The following ALG12 variants were observed in gnomAD, a reference collection of about 807,000 sequenced individuals.
ALG12 encodes the protein ALG12 alpha-1,6-mannosyltransferase.
A neutral mutation model predicts 46.0 loss-of-function variants in ALG12; 36 were observed. The ratio of observed to expected loss-of-function variants is 0.78; its 90% CI spans 0.60 to 1.03. The LOEUF (loss-of-function observed/expected upper bound fraction) is 1.03, where lower values mean the gene tolerates loss of function less well. Among genes scored for constraint, ALG12 ranks in the 50% least tolerant of loss-of-function variants. ALG12 has a pLI of 0.00. For synonymous variants in ALG12, 326 were observed against 291.6 expected (o/e 1.12, Z -1.20); for missense variants, 599 against 633.5 (o/e 0.95, Z 0.58).
At chr22:49,885,404 A>G in the ALG12 span, 11 of 1,605,582 alleles carry the variant, frequency 6.9e-6, no homozygotes, top group Non-Finnish European at 9.4e-6. Flanking sequence ...GTGTGCTTGC[A>G]CTGTGGCCGG....
chr22:49,868,268 G>A, the ALG12 span, among the ~76,000 whole-genome samples: 1 of 152,154 alleles, frequency 6.6e-6, no homozygotes, highest in Non-Finnish European at 1.5e-5. Context: ...TAAAATATAG[G>A]CAGTGTTACA....
chr22:49,875,434 T>C, the ALG12 span, among the ~76,000 whole-genome samples: 1 of 151,990 alleles, frequency 6.6e-6, no homozygotes, highest in South Asian at 2.1e-4. Flanking sequence ...TTTTTTCTTT[T>C]TTTTGAGACG....
At chr22:49,896,388 TTGAGGTGGG>T (rs771988423), downstream of ALG12, among the ~76,000 whole-genome samples, 3 of 152,214 alleles carry the variant, frequency 2.0e-5, no homozygotes, top group Non-Finnish European at 4.4e-5. Context: ...TATCCTCCTA[TTGAGGTGGG>T]TGAGGGAGGA....
the ALG12 span, chr22:49,890,058 A>C: frequency 1.2e-5 from 2 of 165,992 alleles, no homozygotes; most frequent in African/African-American, 4.8e-5. Context: ...AAAAAAATAA[A>C]AACTTTATTT....
chr22:49,876,333 T>C, the ALG12 span, among the ~76,000 whole-genome samples: 1 of 152,190 alleles, frequency 6.6e-6, no homozygotes, highest in Non-Finnish European at 1.5e-5. Context: ...TCTTTACTGA[T>C]TTTTATGTAC....
At chr22:49,904,612 T>A in intron 7 of ALG12, 106 bp from the exon 8 acceptor site, 1 of 1,319,634 alleles carries the variant, frequency 7.6e-7, no homozygotes, top group South Asian at 1.3e-5. Context: ...CTTCACCAAG[T>A]CATAACAAAG....
the ALG12 span, among the ~76,000 whole-genome samples, chr22:49,866,677 A>G: frequency 1.3e-5 from 2 of 152,152 alleles, no homozygotes; most frequent in Non-Finnish European, 2.9e-5. Flanking sequence ...CGTTATCTGC[A>G]GTGATGTTTT....
intron 3 of ALG12, among the ~76,000 whole-genome samples, chr22:49,912,491 T>C (rs1023218003): frequency 6.6e-6 from 1 of 152,204 alleles, no homozygotes; most frequent in Admixed American, 6.5e-5. Context: ...CTGATGCCTC[T>C]ACAGGACATG....
At position 49,903,235 on chromosome 22, in the gene ALG12, A is replaced by G. The variant is rs906474841; in HGVS notation, c.*603T>C. On this transcript the variant is annotated 3_prime_UTR_variant, in exon 10 of 10. Coordinates refer to ENST00000330817, the MANE Select transcript of ALG12 (RefSeq NM_024105.4). ...GTAATCTTGAGAGGTTCCAATCAAC[A>G]TTTATTGCCTTATTCTTTTTATCTC... 4.7e-6 allele frequency: 2 copies of G among 421,432 alleles called. No homozygotes were observed. Among genetic ancestry groups the G allele is most frequent in the Non-Finnish European group, 4.7e-6 (1 of 213,388 alleles). 26.1% of individuals were successfully genotyped at this position (421,432 alleles called of 1,614,324 possible).
chr22:49,880,799 T>G, the ALG12 span, among the ~76,000 whole-genome samples: 7 of 152,240 alleles, frequency 4.6e-5, no homozygotes, highest in African/African-American at 1.7e-4. Flanking sequence ...TGGGATCATA[T>G]TGAATTTATA....
the ALG12 span, chr22:49,885,172 C>G: frequency 6.2e-7 from 1 of 1,614,078 alleles, no homozygotes; most frequent in East Asian, 2.2e-5. Context: ...TCTCTACCGG[C>G]GCCATCCAGA....
At chr22:49,909,184 C>A (rs2060561004) in intron 6 of ALG12, 60 bp downstream of exon 6, 2 of 1,534,934 alleles carry the variant, frequency 1.3e-6, no homozygotes, top group Admixed American at 3.3e-5. Context: ...CCCATGGAGG[C>A]CCAGGAGATG....
At chr22:49,890,929 C>G in the ALG12 span, among the ~76,000 whole-genome samples, 1 of 151,912 alleles carries the variant, frequency 6.6e-6, no homozygotes, top group Non-Finnish European at 1.5e-5. Flanking sequence ...ACTCGGAAGG[C>G]TGAGGCAGGA....
At chr22:49,893,053 A>G in the ALG12 span, among the ~76,000 whole-genome samples, 1 of 152,230 alleles carries the variant, frequency 6.6e-6, no homozygotes, top group Non-Finnish European at 1.5e-5. Flanking sequence ...TGAATGAAGA[A>G]TTCCCTAGAT....
At chr22:49,888,639 C>G in the ALG12 span, 1 of 167,252 alleles carries the variant, frequency 6.0e-6, no homozygotes, top group South Asian at 2.1e-4. Context: ...TTCCAGGTCT[C>G]GTGTTCAAGT....
chr22:49,884,326 A>G, the ALG12 span: 4 of 1,613,786 alleles, frequency 2.5e-6, no homozygotes, highest in East Asian at 2.2e-5. Flanking sequence ...CCCCGATCGA[A>G]TAACAGAGGA....
In ALG12 at chr22:49,904,048, A is replaced by T. The variant is rs139716648; in HGVS notation, c.1257T>A (p.Asp419Glu). 2 of 1,614,010 alleles carry T rather than the reference A, an allele frequency of 1.2e-6. No individual in the cohort carries two copies. Among genetic ancestry groups the T allele is most frequent in the Non-Finnish European group, 1.7e-6 (2 of 1,179,990 alleles). The change falls in exon 10 of 10, where the codon GAT becomes GAA. Residue 419 changes from aspartate (D) to glutamate (E), a missense_variant. Physicochemically the swap from Asp to Glu is conservative, Grantham distance 45. Transcript: ENST00000330817. ...NSAWRYDKRE[D>E]VQPGTGMLAY... Reference sequence around the variant, plus strand: ...CCAGCATGCCTGTCCCCGGCTGCACATCCTCCCTCTTGTCGTACCTGTGGG... The same window carrying T: ...CCAGCATGCCTGTCCCCGGCTGCACTTCCTCCCTCTTGTCGTACCTGTGGG...
At chr22:49,894,588 C>T in the ALG12 span, among the ~76,000 whole-genome samples, 1 of 152,142 alleles carries the variant, frequency 6.6e-6, no homozygotes. Context: ...GCTCAGTGAC[C>T]AAGTGGTGAG....
chr22:49,885,819 C>T, the ALG12 span: 10 of 1,579,430 alleles, frequency 6.3e-6, no homozygotes, highest in African/African-American at 2.7e-5. Context: ...TTATGTCCCA[C>T]CTTAAGGAAG....
Sources: gnomAD v4.1 joint callset for allele counts (sites outside exome capture counted in the v4.1 genomes callset) on GRCh38, gnomAD v4.1.1 for gene constraint, MANE v1.5 for transcripts, NCBI Gene and HGNC (gene_info 2026-07-23, HGNC 2026-07-21) for gene names.